The following SIGLEC1 variants were observed in gnomAD, a reference collection of about 807,000 sequenced individuals.
SIGLEC1 encodes sialoadhesin.
In SIGLEC1, 132 loss-of-function variants were observed where a neutral mutation model predicts 148.0. The ratio of observed to expected loss-of-function variants is 0.89; its 90% confidence interval spans 0.77 to 1.03. The LOEUF (loss-of-function observed/expected upper bound fraction) is 1.03, where lower values mean the gene tolerates loss of function less well. SIGLEC1 is among the 50% of genes least tolerant of loss of function. The pLI is 0.00. For missense variants in SIGLEC1, 2,253 were observed against 2,271.4 expected, an observed-to-expected ratio of 0.99 and a Z score of 0.16; for synonymous variants, 945 against 969.0, an observed-to-expected ratio of 0.98 and a Z score of 0.46.
chr20:3,701,262 A>G, intron 7 of SIGLEC1, 80 bp downstream of exon 7: 2 of 1,318,452 alleles, frequency 1.5e-6, no homozygotes, highest in South Asian at 2.9e-5. Context: ...TGAGTCCACT[A>G]GACTTCTAGA....
In SIGLEC1 at chr20:3,693,595, T is replaced by C. The variant is rs535307688; in HGVS notation, c.3360A>G (p.Thr1120=). The C allele has an allele frequency of 6.2e-7, 1 of 1,612,880 alleles. No homozygotes were observed. The highest frequency in any genetic ancestry group is 8.5e-7 in the Non-Finnish European group (1 of 1,179,720). ...WTTHPAQLTY[T]WYQDGQQRLD... ...GGCGCTGCTGCCCATCCTGGTACCA[T>C]GTGTAGGTGAGCTGGGCCGGGTGAG... The change falls in exon 14 of 22, where the codon ACA becomes ACG. Residue 1120 remains threonine (T), a synonymous_variant. Coordinates refer to ENST00000344754, the MANE Select transcript of SIGLEC1 (RefSeq NM_023068.4).
Position 3,699,314 on chromosome 20 carries a change from G to T in SIGLEC1, c.1674C>A (p.Ser558Arg). Residue 558 changes from serine to arginine, a missense_variant, in exon 8 of 22, where the codon AGC becomes AGA. Physicochemically the swap from Ser to Arg is moderately radical, Grantham distance 110. Coordinates refer to ENST00000344754, the MANE Select transcript of SIGLEC1 (RefSeq NM_023068.4). The stretch of plus-strand genomic sequence containing the variant: ...TGGAGGCCGCGGGGAGCAGGAGGCT[G>T]CTGCCGGGACCCTCGTGAAGCAGGG... ...NGALLHEGPG[S>R]SLLLPAASST... 1 of 1,608,814 alleles carries T rather than the reference G, an allele frequency of 6.2e-7. No individual in the cohort carries two copies. The highest frequency in any genetic ancestry group is 1.7e-5 in the Admixed American group (1 of 59,168).
At chr20:3,689,106 CT>C in intron 21 of SIGLEC1, 48 bp downstream of exon 21, 3 of 1,503,968 alleles carry the variant, frequency 2.0e-6, no homozygotes, top group Non-Finnish European at 2.8e-6. Context: ...CCAGTTGGCA[CT>C]GTGGGTTAGC....
At chr20:3,689,388 C>A in intron 20 of SIGLEC1, 161 bp from the exon 21 acceptor site, 1 of 708,296 alleles carries the variant, frequency 1.4e-6, no homozygotes, top group Non-Finnish European at 2.4e-6. Flanking sequence ...TGCTTTAGCA[C>A]AGCCAGGGCA....
At position 3,697,259 on chromosome 20, in the gene SIGLEC1, C is replaced by G; in HGVS notation, c.2206G>C (p.Ala736Pro). The G allele has an allele frequency of 6.2e-7, 1 of 1,614,018 alleles. No homozygotes were observed. The highest frequency in any genetic ancestry group is 1.1e-5 in the South Asian group (1 of 91,086). Residue 736 changes from alanine (A) to proline (P), a missense_variant, in exon 10 of 22, where the codon GCT (alanine) becomes CCT (proline). Physicochemically the swap from Ala to Pro is conservative, Grantham distance 27. Coordinates refer to ENST00000344754, the MANE Select transcript of SIGLEC1 (RefSeq NM_023068.4). ...NLTCNVSREAAGSPANFSWFR... is the reference protein window; with the variant it reads ...NLTCNVSREAPGSPANFSWFR... ...CAGGAGAAGTTAGCAGGGCTGCCAG[C>G]AGCTTCCCGGCTCACGTTGCAAGTC...
rs1298179984 is a variant in SIGLEC1, at chr20:3,693,056, A to G, written c.3584T>C (p.Val1195Ala). Residue 1195 changes from valine (V) to alanine (A), a missense_variant, in exon 15 of 22, where the codon GTG (valine) becomes GCG (alanine). By Grantham distance (64) the Val-to-Ala change is moderately conservative (BLOSUM62 0). Coordinates refer to ENST00000344754, the MANE Select transcript of SIGLEC1 (RefSeq NM_023068.4). ...CAGCTGGGCGGGCGGGCGGCTGTCC[A>G]CAGTGCACAGTACCAGGGCCAGCTG... ...GGQLALVLCT[V>A]DSRPPAQLAL... 7 of 1,608,102 alleles carry G rather than the reference A, an allele frequency of 4.4e-6. No individual in the cohort carries two copies. Among genetic ancestry groups the G allele is most frequent in the Non-Finnish European group, 5.1e-6 (6 of 1,179,318 alleles).
At chr20:3,704,164 C>T in intron 4 of SIGLEC1, 73 bp from the exon 5 acceptor site, 1 of 1,429,850 alleles carries the variant, frequency 7.0e-7, no homozygotes, top group Non-Finnish European at 9.6e-7. Context: ...CTTCTTGCCC[C>T]CCTTTAAAAG....
At chr20:3,711,270 C>T (rs2087927235) in intron 1 of SIGLEC1, among the ~76,000 whole-genome samples, 1 of 152,204 alleles carries the variant, frequency 6.6e-6, no homozygotes, top group African/African-American at 2.4e-5. Flanking sequence ...ATTTTAAATC[C>T]CCACTCCTAC....
rs774354871 is a variant in SIGLEC1, at chr20:3,703,183, C to A, written c.1228+14G>T. The A allele has an allele frequency of 1.2e-6, 2 of 1,613,662 alleles. No individual in the cohort carries two copies. Among genetic ancestry groups the A allele is most frequent in the African/African-American group, 1.3e-5 (1 of 74,920 alleles). On this transcript the variant is annotated intron_variant, in intron 6 of 21. Transcript: ENST00000344754. ...TCTGACTGTGTCCAGTGCCACCCCA[C>A]CCTGGCCTCTTACGGTTGACTACCA...
At chr20:3,703,071 G>T in intron 6 of SIGLEC1, 126 bp downstream of exon 6, 1 of 1,141,212 alleles carries the variant, frequency 8.8e-7, no homozygotes, top group Non-Finnish European at 1.3e-6. Flanking sequence ...TGGGACATGA[G>T]CTCAAGGCCA....
At position 3,701,631 on chromosome 20, in the gene SIGLEC1, G is replaced by T. The variant is rs2087852904; in HGVS notation, c.1239C>A (p.Leu413=). 6.4e-7 allele frequency: 1 copy of T among 1,563,440 alleles called. No homozygotes were observed. The highest frequency in any genetic ancestry group is 1.2e-5 in the South Asian group (1 of 83,390). Residue 413 remains leucine, a synonymous_variant, in exon 7 of 22, where the codon CTC becomes CTA. Coordinates refer to ENST00000344754, the MANE Select transcript of SIGLEC1 (RefSeq NM_023068.4). Reference sequence around the variant, plus strand: ...CCAGGAAGGCTGTCAGGACTGGAGTGAGAGGCGGGTCTGTGTGGAGACGAG... The same window carrying T: ...CCAGGAAGGCTGTCAGGACTGGAGTTAGAGGCGGGTCTGTGTGGAGACGAG... ...PVSVVVNHPP[L]TPVLTAFLET...
In SIGLEC1 at chr20:3,689,946, A is replaced by G. The variant is rs1339583707; in HGVS notation, c.4894+16T>C. The G allele has an allele frequency of 6.3e-6, 10 of 1,599,864 alleles. No homozygotes were observed. Among genetic ancestry groups the G allele is most frequent in the African/African-American group, 1.3e-5 (1 of 74,586 alleles). On this transcript the variant is annotated intron_variant, in intron 19 of 21. Coordinates refer to ENST00000344754, the MANE Select transcript of SIGLEC1 (RefSeq NM_023068.4). ...TTGTGCAGAGTGGCCTGGGAGATGG[A>G]GCCCCCTCCCCTCACCTCTGACCCC...
chr20:3,690,798 T>A lies in SIGLEC1; in HGVS notation c.4592-534A>T, dbSNP rs538099842. 3.9e-5 allele frequency among the ~76,000 whole-genome samples: 6 copies of A among 151,964 alleles called. No homozygotes were observed. In the East Asian group the frequency reaches 7.7e-4, roughly 20 times the overall value. On this transcript the variant is annotated intron_variant, in intron 18 of 21. Transcript: ENST00000344754. ...TGCCAGACACACTCAGCACGCTTTA[T>A]TTCTTTTGGTTTTTTCTCTTCTTTT...
intron 20 of SIGLEC1, 115 bp downstream of exon 20, chr20:3,689,485 G>A: frequency 1.4e-6 from 1 of 717,770 alleles, no homozygotes; most frequent in Non-Finnish European, 2.3e-6. Flanking sequence ...AGTCTGGGAA[G>A]TAGGCAGCCT....
In SIGLEC1 at chr20:3,706,504, G is replaced by T; in HGVS notation, c.252C>A (p.Arg84=). 1 of 1,613,516 alleles carries T rather than the reference G, an allele frequency of 6.2e-7. No individual in the cohort carries two copies. Among genetic ancestry groups the T allele is most frequent in the Non-Finnish European group, 8.5e-7 (1 of 1,180,002 alleles). ...GGTTCCCCATGAACTCGGTGCGGCC[G>T]CGGAAGCGGGCCTCCACCAGCTTGG... The part of the protein sequence containing the change: ...ADPKLVEARF[R]GRTEFMGNPE... Residue 84 remains arginine (R), a synonymous_variant, in exon 3 of 22, where the codon CGC becomes CGA. Transcript: ENST00000344754.
At chr20:3,693,801 C>T in intron 13 of SIGLEC1, 103 bp from the exon 14 acceptor site, 1 of 1,342,786 alleles carries the variant, frequency 7.4e-7, no homozygotes, top group South Asian at 1.7e-5. Context: ...CTGGGGAGCC[C>T]CTTGGCCTTT....
rs1299481075 is a variant in SIGLEC1, at chr20:3,697,889, G to T, written c.2031C>A (p.His677Gln). 3 of 1,613,170 alleles carry T rather than the reference G, an allele frequency of 1.9e-6. No homozygotes were observed. Residue 677 changes from histidine to glutamine, a missense_variant, in exon 9 of 22, where the codon CAC (histidine) becomes CAA (glutamine). Coordinates refer to ENST00000344754, the MANE Select transcript of SIGLEC1 (RefSeq NM_023068.4). ...KAPNLLRVEI[H>Q]NPLLEEEGLY... ...AGCCCTCCTCTTCCAGCAAAGGGTT[G>T]TGAATCTCCACACGCAGCAAGTTGG... is the stretch of plus-strand genomic sequence containing the variant.
chr20:3,688,847 G>A (rs1314489923), intron 21 of SIGLEC1: 5 of 597,578 alleles, frequency 8.4e-6, no homozygotes, highest in East Asian at 2.8e-5. Context: ...CTTGGGAGTG[G>A]GGAAGAGGCC....
Position 3,698,087 on chromosome 20 carries a change from G to A in SIGLEC1, c.1833C>T (p.Ala611=), listed in dbSNP as rs755142884. 6.8e-6 allele frequency: 11 copies of A among 1,607,886 alleles called. No individual in the cohort carries two copies. The highest frequency in any genetic ancestry group is 5.1e-5 in the Admixed American group (3 of 58,584). The change falls in exon 9 of 22, where the codon GCC becomes GCT. Residue 611 remains alanine (A), a synonymous_variant. Coordinates refer to ENST00000344754, the MANE Select transcript of SIGLEC1 (RefSeq NM_023068.4). ...CTCGCCGTCCAGCCCCGGCCCCAGC[G>A]GCATCAAGGTCCAGCCTGGTGGTGA... ...PTFTTRLDLD[A]AGAGAGRRGL...
Sources: allele counts gnomAD v4.1 joint callset (sites outside exome capture counted in the v4.1 genomes callset), GRCh38; gene constraint gnomAD v4.1.1; transcripts MANE v1.5; gene names NCBI Gene and HGNC (gene_info 2026-07-23, HGNC 2026-07-21).